PCDHGA10: variants seen among roughly 807,000 people sequenced by gnomAD.
PCDHGA10 encodes protocadherin gamma-A10.
Under a neutral mutation model 59.5 loss-of-function variants are expected in PCDHGA10, and 42 were observed. The ratio of observed to expected loss-of-function variants is 0.71; its 90% CI spans 0.55 to 0.91. The LOEUF (loss-of-function observed/expected upper bound fraction) is 0.91. Ranked by LOEUF, PCDHGA10 falls within the 40% of genes least tolerant of loss-of-function variation. The pLI is 0.00. For synonymous variants in PCDHGA10, 511 were observed against 517.2 expected, an observed-to-expected ratio of 0.99 and a Z score of 0.16; for missense variants, 1,111 against 1,198.2, an observed-to-expected ratio of 0.93 and a Z score of 1.07.
At chr5:141,418,189 G>A in intron 1 of PCDHGA10, 1 of 1,614,046 alleles carries the variant, frequency 6.2e-7, no homozygotes, top group Admixed American at 1.7e-5. Flanking sequence ...AAGCTGTGGT[G>A]GAAAATCCTT....
chr5:141,457,422 TC>T (rs1038085994), intron 1 of PCDHGA10, among the ~76,000 whole-genome samples: 1 of 151,626 alleles, frequency 6.6e-6, no homozygotes, highest in African/African-American at 2.4e-5. Context: ...CATCCCTTTT[TC>T]CCCCCCACCA....
At chr5:141,453,101 TTTTTGTTTTG>T (rs879618609) in intron 1 of PCDHGA10, among the ~76,000 whole-genome samples, 16 of 152,130 alleles carry the variant, frequency 1.1e-4, no homozygotes, top group Middle Eastern at 3.4e-3. Flanking sequence ...TTCTGTTGCT[TTTTTGTTTTG>T]TTTTGTTTTG....
At chr5:141,479,982 C>T (rs368461965) in intron 1 of PCDHGA10, among the ~76,000 whole-genome samples, 1 of 152,192 alleles carries the variant, frequency 6.6e-6, no homozygotes, top group South Asian at 2.1e-4. Flanking sequence ...CTACCATTTA[C>T]CAACTAGGAG....
intron 2 of PCDHGA10, among the ~76,000 whole-genome samples, chr5:141,504,059 T>C (rs1179226175): frequency 6.6e-6 from 1 of 152,184 alleles, no homozygotes; most frequent in Admixed American, 6.6e-5. Flanking sequence ...ATTGAAAAAC[T>C]TCTCTGAGCC....
chr5:141,478,336 C>T, intron 1 of PCDHGA10: 2 of 1,613,950 alleles, frequency 1.2e-6, no homozygotes, highest in South Asian at 2.2e-5. Context: ...CACCAGGGCC[C>T]TCCTTGCACG....
intron 1 of PCDHGA10, among the ~76,000 whole-genome samples, chr5:141,462,030 T>C (rs1283795051): frequency 3.9e-5 from 6 of 152,122 alleles, no homozygotes; most frequent in Non-Finnish European, 8.8e-5. Flanking sequence ...TTCATGTTGG[T>C]CAGGCGGGTC....
intron 1 of PCDHGA10, chr5:141,427,539 A>G: frequency 1.6e-6 from 1 of 632,868 alleles, no homozygotes; most frequent in Non-Finnish European, 2.9e-6. Context: ...GTACAACGTC[A>G]CCATCACTGC....
At chr5:141,452,106 CTCT>C (rs748460925) in intron 1 of PCDHGA10, among the ~76,000 whole-genome samples, 12 of 152,096 alleles carry the variant, frequency 7.9e-5, no homozygotes, top group South Asian at 4.1e-4. Flanking sequence ...GCTTTCTTTT[CTCT>C]TCTTATTTAT....
At chr5:141,451,154 TTTTTGGTAGTATA>T (rs2098709149) in intron 1 of PCDHGA10, among the ~76,000 whole-genome samples, 1 of 152,152 alleles carries the variant, frequency 6.6e-6, no homozygotes, top group Non-Finnish European at 1.5e-5. Flanking sequence ...ACTAGACATT[TTTTTGGTAGTATA>T]TTATTTAGCC....
At chr5:141,507,009 C>T (rs988626142) in intron 3 of PCDHGA10, 1 of 152,154 alleles carries the variant, frequency 6.6e-6, no homozygotes, top group South Asian at 2.1e-4. Context: ...ATGAGAGAAC[C>T]GAGAAGGCAC....
chr5:141,481,229 A>G (rs989963485), intron 1 of PCDHGA10, among the ~76,000 whole-genome samples: 5 of 152,212 alleles, frequency 3.3e-5, no homozygotes, highest in African/African-American at 4.8e-5. Context: ...TCCCAGCCTT[A>G]AAGTATTACA....
chr5:141,491,884 G>C lies in PCDHGA10; in HGVS notation c.2437-2923G>C, dbSNP rs745931108. 5.0e-5 allele frequency: 73 copies of C among 1,446,372 alleles called. No homozygotes were observed. The highest frequency in any genetic ancestry group is 6.3e-5 in the Non-Finnish European group (69 of 1,094,334). The allele number at this position is 1,446,372 out of a possible 1,614,324, so 89.6% of individuals were successfully genotyped here. A position where few individuals can be genotyped will look rare whatever the true frequency, so the allele number is the denominator to read the frequency against. On this transcript the variant is annotated intron_variant, in intron 1 of 3. Coordinates refer to ENST00000398610, the MANE Select transcript of PCDHGA10 (RefSeq NM_018913.3). The surrounding 1 kb of genome is among the most constrained non-coding windows in gnomAD (Gnocchi z 6.9). The stretch of plus-strand genomic sequence containing the variant: ...AACCAGAGTGGCCGATTAAGGGATG[G>C]GGCTCCGAGCACCGGGGGTGGTGGC...
At chr5:141,416,132 A>C in intron 1 of PCDHGA10, 1 of 154,082 alleles carries the variant, frequency 6.5e-6, no homozygotes, top group Non-Finnish European at 1.4e-5. Context: ...ATATTTTTCA[A>C]TCTATACTTT....
intron 2 of PCDHGA10, among the ~76,000 whole-genome samples, chr5:141,501,838 G>A (rs888418141): frequency 6.6e-6 from 1 of 152,000 alleles, no homozygotes; most frequent in African/African-American, 2.4e-5. Flanking sequence ...CACCTGTTTG[G>A]CCCTCAACCT....
chr5:141,466,977 C>T (rs2099133275), intron 1 of PCDHGA10, among the ~76,000 whole-genome samples: 1 of 151,786 alleles, frequency 6.6e-6, no homozygotes. Flanking sequence ...CACAGCTCAT[C>T]ATTTACCTTT....
chr5:141,431,709 T>C lies in PCDHGA10; in HGVS notation c.2436+16098T>C. On this transcript the variant is annotated intron_variant, in intron 1 of 3. Coordinates refer to ENST00000398610, the MANE Select transcript of PCDHGA10 (RefSeq NM_018913.3). This position sits in a 1 kb window ranked among gnomAD's most constrained non-coding sequence, Gnocchi z 4.8. ...CACGAGGAGTCAGGATTCTACCAGA[T>C]GGAAGTGCAAGCAATGGATAATGCA... The C allele has an allele frequency of 6.2e-7, 1 of 1,614,168 alleles. No individual in the cohort carries two copies. Among genetic ancestry groups the C allele is most frequent in the Non-Finnish European group, 8.5e-7 (1 of 1,180,018 alleles).
At chr5:141,422,041 G>T in intron 1 of PCDHGA10, 3 of 1,611,632 alleles carry the variant, frequency 1.9e-6, no homozygotes, top group South Asian at 1.1e-5. Context: ...GGATCCAGAC[G>T]AGGGAATCAA....
intron 1 of PCDHGA10, among the ~76,000 whole-genome samples, chr5:141,473,017 AGAAG>A (rs1484773075): frequency 7.0e-4 from 107 of 151,874 alleles, no homozygotes; most frequent in Middle Eastern, 3.4e-3. Flanking sequence ...AGAAAAAGAA[AGAAG>A]GAAGGAAGGA....
At chr5:141,435,430 T>C (rs576681937) in intron 1 of PCDHGA10, among the ~76,000 whole-genome samples, 115 of 152,334 alleles carry the variant, frequency 7.5e-4, no homozygotes, top group African/African-American at 2.6e-3. Flanking sequence ...ACTTCTGTTA[T>C]GCATTTCATT....
Sources: allele counts gnomAD v4.1 joint callset (sites outside exome capture counted in the v4.1 genomes callset), GRCh38; gene constraint gnomAD v4.1.1; non-coding constraint Gnocchi (gnomAD v3.1); transcripts MANE v1.5; gene names NCBI Gene and HGNC (gene_info 2026-07-23, HGNC 2026-07-21).